Variants in DNAH1 observed in about 807,000 individuals in gnomAD.
The protein encoded by DNAH1 is axonemal beta dynein heavy chain 1.
A neutral mutation model predicts 484.3 loss-of-function variants in DNAH1; 327 were observed. The ratio of observed to expected loss-of-function variants is 0.68; its 90% CI spans 0.62 to 0.74. The LOEUF (loss-of-function observed/expected upper bound fraction) is 0.74. Among genes scored for constraint, DNAH1 ranks in the 30% least tolerant of loss-of-function variants. DNAH1 has a pLI of 0.00. For synonymous variants in DNAH1, 2,192 were observed against 2,191.9 expected (o/e 1.00, Z 0.00); for missense variants, 5,052 against 5,546.8 (o/e 0.91, Z 2.83).
chr3:52,390,483 T>C (rs1704323262), intron 60 of DNAH1, among the ~76,000 whole-genome samples: 1 of 152,098 alleles, frequency 6.6e-6, no homozygotes, highest in East Asian at 1.9e-4. Context: ...AGTGAGACTC[T>C]GAAGGGCAGG....
intron 45 of DNAH1, 114 bp from the exon 46 acceptor site, chr3:52,375,841 T>C (rs1703569769): frequency 4.8e-6 from 6 of 1,253,836 alleles, no homozygotes; most frequent in Non-Finnish European, 5.7e-6. Context: ...CTTTATGGGG[T>C]TTGGGGAAAA....
Position 52,346,219 on chromosome 3 carries a change from A to T in DNAH1, c.1657-253A>T, listed in dbSNP as rs1341357073. On this transcript the variant is annotated intron_variant, in intron 10 of 77. Coordinates refer to ENST00000420323, the MANE Select transcript of DNAH1 (RefSeq NM_015512.5). The stretch of plus-strand genomic sequence containing the variant: ...GTCTCTCGCTCACGGCTGGAGGGAA[A>T]GTCCTGCTTCTGCTGTCCTGTCCTC... 2.0e-5 allele frequency among the ~76,000 whole-genome samples: 3 copies of T among 152,126 alleles called. No homozygotes were observed. In the East Asian group the frequency reaches 5.8e-4, roughly 29 times the overall value.
At chr3:52,356,037 C>A (rs926371800) in intron 21 of DNAH1, among the ~76,000 whole-genome samples, 5 of 152,196 alleles carry the variant, frequency 3.3e-5, no homozygotes, top group Non-Finnish European at 7.3e-5. Context: ...GACTGTGACC[C>A]CCATCCCATG....
Position 52,400,434 on chromosome 3 carries a change from C to T in DNAH1, c.12786C>T (p.Ala4262=). The T allele has an allele frequency of 6.2e-7, 1 of 1,614,038 alleles. No individual in the cohort carries two copies. Among genetic ancestry groups the T allele is most frequent in the Non-Finnish European group, 8.5e-7 (1 of 1,179,882 alleles). Residue 4262 remains alanine, a synonymous_variant, in exon 78 of 78, where the codon GCC becomes GCT. Coordinates refer to ENST00000420323, the MANE Select transcript of DNAH1 (RefSeq NM_015512.5). Reference sequence around the variant, plus strand: ...AGCGTGGTGTGGCCCTCATCTGTGCCCTGGACTACTAGACTCAGACAGAAG... The same window carrying T: ...AGCGTGGTGTGGCCCTCATCTGTGCTCTGGACTACTAGACTCAGACAGAAG... The part of the protein sequence containing the change: ...WIKRGVALIC[A]LDY
At chr3:52,319,661 T>C (rs1438680448) in intron 1 of DNAH1, among the ~76,000 whole-genome samples, 1 of 152,178 alleles carries the variant, frequency 6.6e-6, no homozygotes, top group Admixed American at 6.5e-5. Context: ...GTCACACTCA[T>C]TCCCAGGCAG....
At position 52,393,072 on chromosome 3, in the gene DNAH1, G is replaced by A. The variant is rs377066197; in HGVS notation, c.10474+47G>A. On this transcript the variant is annotated intron_variant, in intron 65 of 77. Transcript: ENST00000420323. ...CCTACCCTGCACAGATATGACCCAT[G>A]TGGACACATTTCCACTGTGGGGCAC... The A allele has an allele frequency of 9.1e-5, 145 of 1,589,354 alleles. 1 individual carries two copies. The highest frequency in any genetic ancestry group is 2.2e-4 in the South Asian group (20 of 89,602).
At position 52,372,043 on chromosome 3, in the gene DNAH1, A is replaced by AG. The variant is rs1471892075; in HGVS notation, c.6624dup (p.Met2209AspfsTer31). 6.2e-7 allele frequency: 1 copy of AG among 1,613,700 alleles called. No individual in the cohort carries two copies. The highest frequency in any genetic ancestry group is 2.2e-5 in the East Asian group (1 of 44,886). ...ATTGTGCCCACCATGGACACCGTGC[A>AG]GATGTCCCATTTACTGGACATGCTG... is the stretch of plus-strand genomic sequence containing the variant. On this transcript the variant is annotated frameshift_variant, in exon 42 of 78. Transcript: ENST00000420323. LOFTEE classifies it high-confidence loss of function.
At position 52,396,782 on chromosome 3, in the gene DNAH1, T is replaced by C. The variant is rs1559575964; in HGVS notation, c.11595T>C (p.Asp3865=). ...SQLKMFLDEY[D]DIPYKVLKYT... Reference sequence around the variant, plus strand: ...TCAAGATGTTCCTGGACGAATATGATGACATCCCCTACAAGGTGGGCCTGG... The same window carrying C: ...TCAAGATGTTCCTGGACGAATATGACGACATCCCCTACAAGGTGGGCCTGG... The change falls in exon 72 of 78, where the codon GAT becomes GAC. Residue 3865 remains aspartate (D), a synonymous_variant. Transcript: ENST00000420323. 1 of 1,613,594 alleles carries C rather than the reference T, an allele frequency of 6.2e-7. No homozygotes were observed. The highest frequency in any genetic ancestry group is 1.7e-5 in the Admixed American group (1 of 60,002).
intron 44 of DNAH1, chr3:52,374,967 G>C (rs567320398): frequency 2.9e-4 from 65 of 223,014 alleles, no homozygotes; most frequent in Non-Finnish European, 3.4e-4. Flanking sequence ...TTCACCATGG[G>C]GGCGGGGGGT....
At chr3:52,337,919 T>A (rs1252104360) in intron 8 of DNAH1, among the ~76,000 whole-genome samples, 1 of 152,178 alleles carries the variant, frequency 6.6e-6, no homozygotes, top group African/African-American at 2.4e-5. Flanking sequence ...TTCAGCCTCC[T>A]GAGTAGCTGG....
At chr3:52,324,200 T>C (rs1701253801) in intron 3 of DNAH1, among the ~76,000 whole-genome samples, 1 of 152,154 alleles carries the variant, frequency 6.6e-6, no homozygotes, top group African/African-American at 2.4e-5. Flanking sequence ...TCCTGTGGAA[T>C]GTGGGCCCTG....
At position 52,329,230 on chromosome 3, in the gene DNAH1, G is replaced by T. The variant is rs1701455837; in HGVS notation, c.871+1216G>T. ...ACCCCTTCACATGGCCCTGGTCTGG[G>T]GTGGTGGCCCAGGTGGGAGGAGGGG... On this transcript the variant is annotated intron_variant, in intron 6 of 77. Transcript: ENST00000420323. Among the ~76,000 whole-genome samples, 3 of 152,152 alleles carry T rather than the reference G, an allele frequency of 2.0e-5. 1 individual carries two copies. In the South Asian group the frequency reaches 6.2e-4, roughly 32 times the overall value.
rs1702936804 is a variant in DNAH1, at chr3:52,363,211, C to T, written c.5244+67C>T. 17 of 1,589,824 alleles carry T rather than the reference C, an allele frequency of 1.1e-5. 1 individual carries two copies. In the South Asian group the frequency reaches 1.9e-4, roughly 18 times the overall value. On this transcript the variant is annotated intron_variant, in intron 32 of 77. Transcript: ENST00000420323. ...CTGCCTGCTCCCAGCCTCCAGGGCA[C>T]CTGCTGAGGGCCAGGCTCTATGCCC...
At chr3:52,399,467 C>A in intron 76 of DNAH1, 78 bp from the exon 77 acceptor site, 1 of 1,305,500 alleles carries the variant, frequency 7.7e-7, no homozygotes, top group Non-Finnish European at 1.1e-6. Flanking sequence ...GCAGCTCTCT[C>A]AGAAGGGAGT....
At chr3:52,372,204 C>T (rs1170394745) in intron 42 of DNAH1, 23 bp from the exon 43 acceptor site, 6 of 1,613,296 alleles carry the variant, frequency 3.7e-6, no homozygotes, top group South Asian at 2.2e-5. Flanking sequence ...CCGCATGCTC[C>T]TGTGCCATCC....
At chr3:52,388,361 G>T (rs745899242) in intron 57 of DNAH1, 27 bp downstream of exon 57, 2 of 1,599,934 alleles carry the variant, frequency 1.3e-6, no homozygotes, top group South Asian at 2.2e-5. Context: ...GCTGGTGGGG[G>T]AGGGCTCCCC....
At position 52,345,564 on chromosome 3, in the gene DNAH1, C is replaced by G; in HGVS notation, c.1514C>G (p.Thr505Arg). The change falls in exon 10 of 78, where the codon ACA (threonine) becomes AGA (arginine). Residue 505 changes from threonine (T) to arginine (R), a missense_variant. By Grantham distance (71) the Thr-to-Arg change is moderately conservative. Coordinates refer to ENST00000420323, the MANE Select transcript of DNAH1 (RefSeq NM_015512.5). ...GACTTCACTTTCGTGTCCCTGCTCACACGGCCAGAGGTCATCACGGCCCTC... is the reference window on the plus strand; with the variant it reads ...GACTTCACTTTCGTGTCCCTGCTCAGACGGCCAGAGGTCATCACGGCCCTC... ...KEDFTFVSLL[T>R]RPEVITALSK... is the part of the protein sequence containing the mutation. 2 of 1,596,154 alleles carry G rather than the reference C, an allele frequency of 1.3e-6. No homozygotes were observed. Among genetic ancestry groups the G allele is most frequent in the Non-Finnish European group, 1.7e-6 (2 of 1,170,992 alleles).
At chr3:52,380,256 C>G in intron 48 of DNAH1, 121 bp downstream of exon 48, 1 of 881,646 alleles carries the variant, frequency 1.1e-6, no homozygotes, top group Non-Finnish European at 1.7e-6. Context: ...GGGGCCAGGA[C>G]GCGGGGTAAG....
Position 52,350,124 on chromosome 3 carries a change from G to A in DNAH1, c.2646+16G>A, listed in dbSNP as rs760706448. 13 of 1,606,926 alleles carry A rather than the reference G, an allele frequency of 8.1e-6. No individual in the cohort carries two copies. The highest frequency in any genetic ancestry group is 1.7e-5 in the Admixed American group (1 of 59,210). Reference sequence around the variant, plus strand: ...GGGCCTGGAGGTGAGGCAGGCACACGGGCACTGGGGCCAGGGAGGCACAGG... The same window carrying A: ...GGGCCTGGAGGTGAGGCAGGCACACAGGCACTGGGGCCAGGGAGGCACAGG... On this transcript the variant is annotated intron_variant, in intron 15 of 77. Transcript: ENST00000420323.
Sources: gnomAD v4.1 joint callset for allele counts (sites outside exome capture counted in the v4.1 genomes callset) on GRCh38, gnomAD v4.1.1 for gene constraint, MANE v1.5 for transcripts, NCBI Gene and HGNC (gene_info 2026-07-23, HGNC 2026-07-21) for gene names.